Variants in ITFG2 observed in about 807,000 individuals in gnomAD.
The protein encoded by ITFG2 is KICSTOR complex protein ITFG2.
ITFG2 carries 36 observed loss-of-function variants against 54.4 expected under a neutral mutation model. The ratio of observed to expected loss-of-function variants is 0.66; its 90% CI spans 0.51 to 0.87. The LOEUF (loss-of-function observed/expected upper bound fraction) is 0.87, where lower values mean the gene tolerates loss of function less well. Among genes scored for constraint, ITFG2 ranks in the 40% least tolerant of loss-of-function variants. ITFG2 has a pLI of 0.00. For missense variants in ITFG2, 524 were observed against 576.7 expected, an observed-to-expected ratio of 0.91 and a Z score of 0.94; for synonymous variants, 211 against 225.4, an observed-to-expected ratio of 0.94 and a Z score of 0.57.
In ITFG2 at chr12:2,823,852, G is replaced by T. The variant is rs141396146; in HGVS notation, c.1149G>T (p.Glu383Asp). The T allele has an allele frequency of 6.2e-7, 1 of 1,613,082 alleles. No individual in the cohort carries two copies. Among genetic ancestry groups the T allele is most frequent in the Non-Finnish European group, 8.5e-7 (1 of 1,179,448 alleles). Residue 383 changes from glutamate to aspartate, a missense_variant, in exon 11 of 12, where the codon GAG becomes GAT. Transcript: ENST00000228799. ...TFNQKIYVYW[E>D]VQLERMESTN... ...ACCAGAAGATCTATGTGTACTGGGA[G>T]GTGCAGCTGGAGCGGATGGAGTCTA...
At chr12:2,829,722 A>G (rs1055290642), downstream of ITFG2, among the ~76,000 whole-genome samples, 1 of 152,080 alleles carries the variant, frequency 6.6e-6, no homozygotes, top group South Asian at 2.1e-4. Context: ...AGCTCTGATC[A>G]TGCCACTACA....
intron 2 of ITFG2, among the ~76,000 whole-genome samples, chr12:2,850,399 G>A (rs1326707024): frequency 2.0e-5 from 3 of 150,744 alleles, no homozygotes; most frequent in African/African-American, 4.9e-5. Flanking sequence ...ACTTGAACCC[G>A]GGAGGAGGAG....
In ITFG2 at chr12:2,818,266, T is replaced by G; in HGVS notation, c.395T>G (p.Ile132Ser). Residue 132 changes from isoleucine (I) to serine (S), a missense_variant, in exon 4 of 12, where the codon ATC (isoleucine) becomes AGC (serine). By Grantham distance (142) the Ile-to-Ser change is moderately radical (BLOSUM62 -2). Transcript: ENST00000228799. ...HIPANTKVML[I>S]SDIDGDGCRE... ...CCTGCCAACACCAAGGTCATGCTGA[T>G]CAGCGACATCGGTGGGCATGCCTAC... 2 of 1,613,126 alleles carry G rather than the reference T, an allele frequency of 1.2e-6. No homozygotes were observed. The highest frequency in any genetic ancestry group is 1.7e-6 in the Non-Finnish European group (2 of 1,180,028).
chr12:2,817,882 C>G (rs1219196861), intron 2 of ITFG2, 27 bp from the exon 3 acceptor site: 4 of 1,610,514 alleles, frequency 2.5e-6, no homozygotes, highest in Admixed American at 3.4e-5. Context: ...CTTAGCGTCT[C>G]CCTGAGCCTC....
rs559300815 is a variant in ITFG2, at chr12:2,830,408, A to G, written c.*60-426A>G. 15 of 270,784 alleles carry G rather than the reference A, an allele frequency of 5.5e-5. No individual in the cohort carries two copies. The South Asian group carries it at 5.8e-4, about 10-fold the overall frequency. 16.8% of individuals were successfully genotyped at this position (270,784 alleles called of 1,614,324 possible). On this transcript the variant is annotated intron_variant and NMD_transcript_variant, in intron 2 of 2. Coordinates refer to the ITFG2 transcript ENST00000538822. Reference sequence around the variant, plus strand: ...AGTTTTTTCCAGAATTACGTTATCCATGCACACACACCATTTGTCTGTGTA... The same window carrying G: ...AGTTTTTTCCAGAATTACGTTATCCGTGCACACACACCATTTGTCTGTGTA...
chr12:2,827,152 A>G, downstream of ITFG2: 1 of 1,612,168 alleles, frequency 6.2e-7, no homozygotes, highest in Non-Finnish European at 8.5e-7. The surrounding 1 kb of genome is among the most constrained non-coding windows in gnomAD (Gnocchi z 4.0). Context: ...CGTTCCCCAC[A>G]CGCCTCTTCT....
At chr12:2,849,349 A>C in intron 2 of ITFG2, 1 of 1,536,138 alleles carries the variant, frequency 6.5e-7, no homozygotes, top group Non-Finnish European at 8.7e-7. Flanking sequence ...GAAATCCCTT[A>C]TGAGGTCCTG....
rs2097911652 is a variant in ITFG2 at position 2,812,693 on chromosome 12, G to C, written c.-68G>C. The C allele has an allele frequency of 2.9e-6, 4 of 1,390,210 alleles. No homozygotes were observed. The highest frequency in any genetic ancestry group is 3.1e-6 in the Non-Finnish European group (3 of 981,458). 86.1% of individuals were successfully genotyped at this position (1,390,210 alleles called of 1,614,324 possible). On this transcript the variant is annotated 5_prime_UTR_variant, in exon 1 of 12. Transcript: ENST00000228799. ...GCCTTAGGTGGCCTTCCGCTCTGGC[G>C]GCTGTCGCGACGGGGGTTCAGGGAA...
chr12:2,830,680 G>T, intron 2 of ITFG2: 1 of 1,591,460 alleles, frequency 6.3e-7, no homozygotes, highest in African/African-American at 1.3e-5. Flanking sequence ...GGTTGTTAAT[G>T]AAAGTGTGTC....
chr12:2,829,064 G>A (rs1316223207), downstream of ITFG2, among the ~76,000 whole-genome samples: 1 of 152,038 alleles, frequency 6.6e-6, no homozygotes, highest in Non-Finnish European at 1.5e-5. Context: ...AAAAAAAAGT[G>A]GTTATATGTG....
In ITFG2 at chr12:2,823,816, T is replaced by G; in HGVS notation, c.1113T>G (p.Tyr371Ter). 6.2e-7 allele frequency: 1 copy of G among 1,605,282 alleles called. No individual in the cohort carries two copies. The highest frequency in any genetic ancestry group is 8.5e-7 in the Non-Finnish European group (1 of 1,175,020). The change falls in exon 11 of 12, where the codon TAT becomes TAG. Residue 371 changes from tyrosine to a stop codon, truncating the protein, a stop_gained. Transcript: ENST00000228799. LOFTEE classifies it high-confidence loss of function. ...GCCGCAACAGCCCCTGCCTCGTATA[T>G]GTCACTTTCAACCAGAAGATCTATG... is the stretch of plus-strand genomic sequence containing the variant. ...KEGRNSPCLV[Y>*]VTFNQKIYVY...
In ITFG2 at chr12:2,842,785, T is replaced by C. The variant is rs2098044634; in HGVS notation, n.300+1790T>C. On this transcript the variant is annotated intron_variant and non_coding_transcript_variant, in intron 2 of 3. Coordinates refer to the ITFG2 transcript ENST00000537710. ...TAGATGTTGCTCCATTATGTTTCTG[T>C]TGGACAGCCCTGATCTAAATAGATT... is the stretch of plus-strand genomic sequence containing the variant. 2.0e-5 allele frequency among the ~76,000 whole-genome samples: 3 copies of C among 152,184 alleles called. No individual in the cohort carries two copies. In the South Asian group the frequency reaches 6.2e-4, roughly 32 times the overall value.
chr12:2,814,658 C>T (rs139299605), intron 1 of ITFG2, among the ~76,000 whole-genome samples: 187 of 151,978 alleles, frequency 1.2e-3, no homozygotes, highest in African/African-American at 4.0e-3. Context: ...AGGGAAACTC[C>T]GTCTTTACAA....
At chr12:2,829,362 G>A (rs1365214379), downstream of ITFG2, among the ~76,000 whole-genome samples, 1 of 152,178 alleles carries the variant, frequency 6.6e-6, no homozygotes, top group Non-Finnish European at 1.5e-5. Context: ...CATTCATTGA[G>A]TATTTACTAT....
chr12:2,850,771 C>G (rs1314267182), intron 2 of ITFG2, among the ~76,000 whole-genome samples: 1 of 151,712 alleles, frequency 6.6e-6, no homozygotes, highest in African/African-American at 2.4e-5. Flanking sequence ...CTCCCAGGCT[C>G]AAGTGATTCT....
At position 2,820,795 on chromosome 12, in the gene ITFG2, G is replaced by T. The variant is rs373908169; in HGVS notation, c.618G>T (p.Ala206=). Reference sequence around the variant, plus strand: ...TGATGGTGTCTCAGCCAGGTTGTGCGTATGCAATTCTACTGTGTACCTGGA... The same window carrying T: ...TGATGGTGTCTCAGCCAGGTTGTGCTTATGCAATTCTACTGTGTACCTGGA... ...PELMVSQPGC[A]YAILLCTWKK... is the part of the protein sequence containing the mutation. Residue 206 remains alanine (A), a synonymous_variant, in exon 6 of 12, where the codon GCG becomes GCT. Coordinates refer to ENST00000228799, the MANE Select transcript of ITFG2 (RefSeq NM_018463.4). The T allele has an allele frequency of 3.7e-6, 6 of 1,614,022 alleles. No individual in the cohort carries two copies. Among genetic ancestry groups the T allele is most frequent in the Non-Finnish European group, 4.2e-6 (5 of 1,179,970 alleles).
At chr12:2,855,485 A>C in intron 2 of ITFG2, 1 of 1,379,782 alleles carries the variant, frequency 7.2e-7, no homozygotes, top group Non-Finnish European at 9.4e-7. Flanking sequence ...AAGGTTGTGC[A>C]GACAGGGGTG....
In ITFG2 at chr12:2,817,209, C is replaced by G. The variant is rs770524985; in HGVS notation, c.97-14C>G. Reference sequence around the variant, plus strand: ...GAGTCCCATCCTAACGCTTTCTTCTCTCTCCATTTGAAGTTAAATGAACTG... The same window carrying G: ...GAGTCCCATCCTAACGCTTTCTTCTGTCTCCATTTGAAGTTAAATGAACTG... On this transcript the variant is annotated splice_polypyrimidine_tract_variant and intron_variant, in intron 1 of 11. Coordinates refer to ENST00000228799, the MANE Select transcript of ITFG2 (RefSeq NM_018463.4). 6.3e-7 allele frequency: 1 copy of G among 1,585,916 alleles called. No individual in the cohort carries two copies. The highest frequency in any genetic ancestry group is 1.3e-5 in the African/African-American group (1 of 74,438).
rs901206472 is a variant in ITFG2, at chr12:2,821,785, A to G, written c.941A>G (p.Asp314Gly). Residue 314 changes from aspartate to glycine, a missense_variant, in exon 9 of 12, where the codon GAT becomes GGT. Physicochemically the swap from Asp to Gly is moderately conservative, Grantham distance 94. Coordinates refer to ENST00000228799, the MANE Select transcript of ITFG2 (RefSeq NM_018463.4). ...CAGCTCTTTGCCCTGGAGAAACTGG[A>G]TGTCACCGTGAGTGGAAAACCTGGC... ...DHQLFALEKL[D>G]VTGNGHEEVV... The G allele has an allele frequency of 1.2e-5, 20 of 1,613,154 alleles. No homozygotes were observed. Among genetic ancestry groups the G allele is most frequent in the African/African-American group, 2.7e-5 (2 of 74,892 alleles).
Sources: gnomAD v4.1 joint callset for allele counts (sites outside exome capture counted in the v4.1 genomes callset) on GRCh38, gnomAD v4.1.1 for gene constraint, Gnocchi (gnomAD v3.1) non-coding constraint, MANE v1.5 for transcripts, NCBI Gene and HGNC (gene_info 2026-07-23, HGNC 2026-07-21) for gene names.